NFIL3: variants seen among roughly 807,000 people sequenced by gnomAD.
NFIL3 encodes nuclear factor, interleukin 3 regulated.
Under a neutral mutation model 10.0 loss-of-function variants are expected in NFIL3, and 5 were observed. The ratio of observed to expected loss-of-function variants is 0.50; its 90% CI spans 0.26 to 1.06. The LOEUF (loss-of-function observed/expected upper bound fraction) is 1.06, where lower values mean the gene tolerates loss of function less well. Ranked by LOEUF, NFIL3 falls within the 50% of genes least tolerant of loss-of-function variation. The pLI is 0.13. For synonymous variants in NFIL3, 202 were observed against 206.5 expected, an observed-to-expected ratio of 0.98 and a Z score of 0.19; for missense variants, 436 against 547.6, an observed-to-expected ratio of 0.80 and a Z score of 2.03.
the NFIL3 span, among the ~76,000 whole-genome samples, chr9:91,453,381 C>T: frequency 2.5e-4 from 38 of 151,994 alleles, no homozygotes; most frequent in Non-Finnish European, 4.7e-4. Flanking sequence ...CACAATTCAG[C>T]CCATAATAGC....
the NFIL3 span, among the ~76,000 whole-genome samples, chr9:91,468,357 A>C: frequency 6.6e-6 from 1 of 152,144 alleles, no homozygotes; most frequent in Non-Finnish European, 1.5e-5. Context: ...GTCTGTTCAC[A>C]TCCTTCGCCC....
upstream of NFIL3, chr9:91,426,861 A>G (rs980548706): frequency 6.6e-6 from 1 of 152,220 alleles, no homozygotes; most frequent in African/African-American, 2.4e-5. Context: ...AACATCCCCA[A>G]GAGGCCATAT....
At chr9:91,482,811 A>G in the NFIL3 span, among the ~76,000 whole-genome samples, 2 of 152,030 alleles carry the variant, frequency 1.3e-5, no homozygotes, top group Admixed American at 6.5e-5. Flanking sequence ...CTCCTAACTG[A>G]ACGTTTTAAA....
chr9:91,431,809 C>T, the NFIL3 span, among the ~76,000 whole-genome samples: 2 of 152,262 alleles, frequency 1.3e-5, no homozygotes, highest in African/African-American at 4.8e-5. Context: ...CAAGACTTTC[C>T]CCCTAATGCA....
At chr9:91,476,586 C>A in the NFIL3 span, among the ~76,000 whole-genome samples, 31 of 149,328 alleles carry the variant, frequency 2.1e-4, no homozygotes, top group Non-Finnish European at 4.3e-4. Context: ...AAAAAAAAAA[C>A]AATGTCCAAT....
At chr9:91,450,156 T>C in the NFIL3 span, among the ~76,000 whole-genome samples, 1 of 152,148 alleles carries the variant, frequency 6.6e-6, no homozygotes, top group Non-Finnish European at 1.5e-5. Context: ...GAACAAACTT[T>C]TGGGTTAATT....
the NFIL3 span, among the ~76,000 whole-genome samples, chr9:91,440,260 T>C: frequency 6.6e-6 from 1 of 152,128 alleles, no homozygotes; most frequent in African/African-American, 2.4e-5. Context: ...TTTCTAGGAG[T>C]TAATCCAACT....
chr9:91,439,019 A>G, the NFIL3 span, among the ~76,000 whole-genome samples: 2 of 152,176 alleles, frequency 1.3e-5, no homozygotes, highest in Admixed American at 6.5e-5. Context: ...GTCGTTCCAT[A>G]TGAATTTCTG....
At chr9:91,439,740 A>C in the NFIL3 span, among the ~76,000 whole-genome samples, 1 of 152,154 alleles carries the variant, frequency 6.6e-6, no homozygotes. Flanking sequence ...GGACTTCGTT[A>C]AATGCTTTTT....
chr9:91,483,041 A>G, the NFIL3 span, among the ~76,000 whole-genome samples: 1 of 152,144 alleles, frequency 6.6e-6, no homozygotes, highest in Admixed American at 6.5e-5. Context: ...CCCAACTTCC[A>G]GTTCCTGGTC....
chr9:91,431,768 G>T, the NFIL3 span, among the ~76,000 whole-genome samples: 2 of 152,166 alleles, frequency 1.3e-5, no homozygotes, highest in South Asian at 4.1e-4. Flanking sequence ...TCCCAGTGCA[G>T]GACTTGTGCT....
the NFIL3 span, among the ~76,000 whole-genome samples, chr9:91,479,495 G>T: frequency 6.6e-6 from 1 of 151,602 alleles, no homozygotes; most frequent in Non-Finnish European, 1.5e-5. Flanking sequence ...TGCCCCTCCC[G>T]CCACCAAGCT....
At chr9:91,478,490 T>C in the NFIL3 span, among the ~76,000 whole-genome samples, 1 of 152,114 alleles carries the variant, frequency 6.6e-6, no homozygotes, top group East Asian at 1.9e-4. Flanking sequence ...GCTATGTTTA[T>C]CAGGTCATTT....
At chr9:91,436,914 G>A in the NFIL3 span, among the ~76,000 whole-genome samples, 3 of 152,268 alleles carry the variant, frequency 2.0e-5, no homozygotes, top group Non-Finnish European at 2.9e-5. Flanking sequence ...GACCGGTTTC[G>A]TGGAAGACAA....
the NFIL3 span, among the ~76,000 whole-genome samples, chr9:91,435,263 T>C: frequency 1.2e-4 from 19 of 152,250 alleles, 1 homozygote; most frequent in African/African-American, 4.3e-4. Flanking sequence ...AACTGACTTA[T>C]ACAATAATAC....
the NFIL3 span, among the ~76,000 whole-genome samples, chr9:91,455,525 C>T: frequency 1.3e-5 from 2 of 152,148 alleles, no homozygotes; most frequent in East Asian, 3.8e-4. Context: ...TAAGCTCTAA[C>T]TTAAAAATTC....
upstream of NFIL3, among the ~76,000 whole-genome samples, chr9:91,424,144 G>A (rs1336649526): frequency 6.6e-6 from 1 of 151,988 alleles, no homozygotes; most frequent in Non-Finnish European, 1.5e-5. Flanking sequence ...CGGCCGACAC[G>A]ACCGGAGCGA....
At chr9:91,423,301 G>A (rs1224738289) in intron 1 of NFIL3, among the ~76,000 whole-genome samples, 3 of 152,202 alleles carry the variant, frequency 2.0e-5, no homozygotes, top group Non-Finnish European at 2.9e-5. Context: ...AGAGGGCTCA[G>A]CCTGCCTGGC....
At chr9:91,476,291 G>C in the NFIL3 span, among the ~76,000 whole-genome samples, 1 of 152,182 alleles carries the variant, frequency 6.6e-6, no homozygotes, top group African/African-American at 2.4e-5. Flanking sequence ...AATCACGACT[G>C]ACCGGGCACA....
Sources: allele counts gnomAD v4.1 joint callset (sites outside exome capture counted in the v4.1 genomes callset), GRCh38; gene constraint gnomAD v4.1.1; transcripts MANE v1.5; gene names NCBI Gene and HGNC (gene_info 2026-07-23, HGNC 2026-07-21).